EIF2B3: variants seen among roughly 807,000 people sequenced by gnomAD.
EIF2B3 encodes translation initiation factor eIF2B subunit gamma.
In EIF2B3, 20 loss-of-function variants were observed where a neutral mutation model predicts 54.1. That is an observed-to-expected ratio of 0.37 (90% CI 0.26 to 0.54). The LOEUF is 0.54. Ranked by LOEUF, EIF2B3 falls within the 20% of genes least tolerant of loss-of-function variation. The probability of loss-of-function intolerance (pLI) is 0.86; values close to 1 mark genes in which losing one functional copy is unlikely to be tolerated. For synonymous variants in EIF2B3, 153 were observed against 188.1 expected, an observed-to-expected ratio of 0.81 and a Z score of 1.52; for missense variants, 448 against 547.8, an observed-to-expected ratio of 0.82 and a Z score of 1.82.
chr1:44,938,678 G>A (rs1643984827), intron 4 of EIF2B3, among the ~76,000 whole-genome samples: 2 of 151,870 alleles, frequency 1.3e-5, no homozygotes, highest in African/African-American at 2.4e-5. Context: ...GTAGAGATGG[G>A]GTTTCACCAT....
At chr1:44,940,113 A>G (rs1644003749) in intron 4 of EIF2B3, among the ~76,000 whole-genome samples, 1 of 152,212 alleles carries the variant, frequency 6.6e-6, no homozygotes, top group Non-Finnish European at 1.5e-5. Flanking sequence ...TCAATGTTAT[A>G]CTGGAAAATT....
intron 8 of EIF2B3, among the ~76,000 whole-genome samples, chr1:44,879,212 C>G (rs527290034): frequency 6.6e-6 from 1 of 152,266 alleles, no homozygotes; most frequent in South Asian, 2.1e-4. Flanking sequence ...CCTCTCCACC[C>G]CCTGCCTTCA....
At chr1:44,884,821 G>C (rs1655522611) in intron 6 of EIF2B3, among the ~76,000 whole-genome samples, 1 of 152,174 alleles carries the variant, frequency 6.6e-6, no homozygotes, top group Non-Finnish European at 1.5e-5. Context: ...GAGGCAAGCA[G>C]ACGAGCCTTG....
chr1:44,857,023 C>T (rs1367946007), intron 11 of EIF2B3, among the ~76,000 whole-genome samples: 2 of 151,992 alleles, frequency 1.3e-5, no homozygotes, highest in African/African-American at 2.4e-5. Flanking sequence ...TAGGCTCAAG[C>T]GATCCTCACA....
intron 11 of EIF2B3, among the ~76,000 whole-genome samples, chr1:44,853,809 A>T (rs980277341): frequency 6.6e-6 from 1 of 152,150 alleles, no homozygotes; most frequent in African/African-American, 2.4e-5. Flanking sequence ...ACTGTTGGGA[A>T]ACTGGGAAAG....
intron 6 of EIF2B3, among the ~76,000 whole-genome samples, chr1:44,893,281 GC>G (rs1401612478): frequency 6.6e-6 from 1 of 152,112 alleles, no homozygotes; most frequent in Non-Finnish European, 1.5e-5. Context: ...TTCTGACCTT[GC>G]CATGGCTGCC....
intron 10 of EIF2B3, chr1:44,874,442 A>T: frequency 1.9e-6 from 1 of 527,678 alleles, no homozygotes. Flanking sequence ...CCTTTTTCTG[A>T]GTTGAATCTC....
chr1:44,945,342 C>T (rs1644087929), intron 3 of EIF2B3, among the ~76,000 whole-genome samples: 1 of 151,814 alleles, frequency 6.6e-6, no homozygotes, highest in South Asian at 2.1e-4. Flanking sequence ...ATCACAACGT[C>T]AGGAGATCGA....
rs113470749 is a variant in EIF2B3 at position 44,962,204 on chromosome 1, ACATCATCATCAT to A, written c.294+16099_294+16110del. Among the ~76,000 whole-genome samples the A allele has an allele frequency of 9.5e-3, 1,387 of 146,434 alleles. 25 individuals carry two copies. The highest frequency in any genetic ancestry group is 0.033 in the African/African-American group (1,311 of 39,748). ...CGAAACTCCGTCTCAATCATCATCA[ACATCATCATCAT>A]CATCATCATCATCATCATCATCATC... On this transcript the variant is annotated intron_variant, in intron 3 of 11. Coordinates refer to ENST00000360403, the MANE Select transcript of EIF2B3 (RefSeq NM_020365.5).
intron 3 of EIF2B3, chr1:44,958,532 C>A: frequency 7.5e-7 from 1 of 1,328,884 alleles, no homozygotes; most frequent in Non-Finnish European, 1.1e-6. Context: ...CTGTCTTTAG[C>A]TTCTGGAGAC....
At chr1:44,907,890 C>CAA (rs71587071) in intron 5 of EIF2B3, among the ~76,000 whole-genome samples, 123 of 47,056 alleles carry the variant, frequency 2.6e-3, no homozygotes, top group Non-Finnish European at 3.4e-3. Context: ...AACTCCATCT[C>CAA]AAAAAAAAAA....
chr1:44,850,878 G>C lies in EIF2B3; in HGVS notation c.*73C>G. 6.6e-7 allele frequency: 1 copy of C among 1,523,118 alleles called. No individual in the cohort carries two copies. The highest frequency in any genetic ancestry group is 1.1e-5 in the South Asian group (1 of 89,282). The allele number at this position is 1,523,118 out of a possible 1,614,324, so 94.4% of individuals were successfully genotyped here. A position where few individuals can be genotyped will look rare whatever the true frequency, so the allele number is the denominator to read the frequency against. ...CCTTCTTTATTGGGAAATAAATACA[G>C]AGTTAAACAGGTGGGCCGGCCAACA... On this transcript the variant is annotated 3_prime_UTR_variant, in exon 12 of 12. Coordinates refer to ENST00000360403, the MANE Select transcript of EIF2B3 (RefSeq NM_020365.5).
intron 5 of EIF2B3, among the ~76,000 whole-genome samples, chr1:44,908,234 C>T (rs1490391307): frequency 6.6e-6 from 1 of 152,140 alleles, no homozygotes; most frequent in Non-Finnish European, 1.5e-5. Flanking sequence ...TGTATTAGAC[C>T]TTAGGCCTAC....
chr1:44,917,034 G>A (rs1025119771), intron 5 of EIF2B3, among the ~76,000 whole-genome samples: 1 of 151,958 alleles, frequency 6.6e-6, no homozygotes, highest in Non-Finnish European at 1.5e-5. Flanking sequence ...TGTTCCTCTT[G>A]TATTAAATGT....
intron 3 of EIF2B3, among the ~76,000 whole-genome samples, chr1:44,949,458 G>T (rs1569817336): frequency 6.6e-6 from 1 of 152,192 alleles, no homozygotes; most frequent in South Asian, 2.1e-4. Flanking sequence ...ACACGCATGA[G>T]TAAATGTTAG....
intron 3 of EIF2B3, chr1:44,958,681 G>C (rs1644252688): frequency 1.3e-6 from 2 of 1,597,816 alleles, no homozygotes; most frequent in Admixed American, 3.3e-5. Context: ...GGTGAGTTTA[G>C]TCGCTCACCA....
intron 5 of EIF2B3, among the ~76,000 whole-genome samples, chr1:44,918,892 G>T (rs910596272): frequency 1.3e-5 from 2 of 152,056 alleles, no homozygotes; most frequent in Admixed American, 6.5e-5. Context: ...AAGTTATTAT[G>T]ACTTCAGCTC....
intron 3 of EIF2B3, among the ~76,000 whole-genome samples, chr1:44,959,813 A>G (rs1309181495): frequency 6.6e-6 from 1 of 152,200 alleles, no homozygotes. Flanking sequence ...ATCCCTAGTG[A>G]GAAGGTCACA....
At chr1:44,940,769 CA>C (rs1334636939) in intron 4 of EIF2B3, 3 of 149,584 alleles carry the variant, frequency 2.0e-5, no homozygotes, top group African/African-American at 4.9e-5. Context: ...GTCTCCATCT[CA>C]AAAAAAAGAA....
Sources: gnomAD v4.1 joint callset for allele counts (sites outside exome capture counted in the v4.1 genomes callset) on GRCh38, gnomAD v4.1.1 for gene constraint, MANE v1.5 for transcripts, NCBI Gene and HGNC (gene_info 2026-07-23, HGNC 2026-07-21) for gene names.